PYGB: variants seen among roughly 807,000 people sequenced by gnomAD.
PYGB encodes the protein glycogen phosphorylase B.
PYGB carries 82 observed loss-of-function variants against 94.3 expected under a neutral mutation model. That is an observed-to-expected ratio of 0.87 (90% CI 0.73 to 1.04). The LOEUF (loss-of-function observed/expected upper bound fraction) is 1.04, where lower values mean the gene tolerates loss of function less well. Ranked by LOEUF, PYGB falls within the 50% of genes least tolerant of loss-of-function variation. The pLI is 0.00. For synonymous variants in PYGB, 488 were observed against 479.1 expected (o/e 1.02, Z -0.24); for missense variants, 1,132 against 1,158.2 (o/e 0.98, Z 0.33).
In PYGB at chr20:25,248,339, T is replaced by G. The variant is rs1322421498; in HGVS notation, c.161T>G (p.Phe54Cys). 1.9e-6 allele frequency: 3 copies of G among 1,603,146 alleles called. No individual in the cohort carries two copies. Among genetic ancestry groups the G allele is most frequent in the Non-Finnish European group, 2.6e-6 (3 of 1,175,608 alleles). ...GTGGCCACGCCCCGCGACTACTTCT[T>G]CGCGCTGGCGCACACGGTGCGCGAC... Reference protein sequence around the residue: ...RNVATPRDYFFALAHTVRDHL... With the variant: ...RNVATPRDYFCALAHTVRDHL... Residue 54 changes from phenylalanine (F) to cysteine (C), a missense_variant, in exon 1 of 20, where the codon TTC becomes TGC. Physicochemically the swap from Phe to Cys is radical, Grantham distance 205. Coordinates refer to ENST00000216962, the MANE Select transcript of PYGB (RefSeq NM_002862.4).
chr20:25,255,810 T>C (rs2092901260), intron 1 of PYGB, among the ~76,000 whole-genome samples: 1 of 151,960 alleles, frequency 6.6e-6, no homozygotes, highest in African/African-American at 2.4e-5. Flanking sequence ...CTCTACTCAC[T>C]GCAACCTCCG....
intron 14 of PYGB, among the ~76,000 whole-genome samples, chr20:25,285,969 G>T (rs1027581952): frequency 6.6e-6 from 1 of 152,198 alleles, no homozygotes; most frequent in African/African-American, 2.4e-5. Context: ...ATGAAGGTCG[G>T]TTTGGCTGAA....
chr20:25,248,605 C>T (rs1346077230), intron 1 of PYGB, among the ~76,000 whole-genome samples, 184 bp downstream of exon 1: 1 of 151,974 alleles, frequency 6.6e-6, no homozygotes, highest in African/African-American at 2.4e-5. Flanking sequence ...CCCGGGCGTC[C>T]CCTGCGCAGG....
chr20:25,280,427 A>G lies in PYGB; in HGVS notation c.1239+15A>G, dbSNP rs1203161668. 1 of 1,613,552 alleles carries G rather than the reference A, an allele frequency of 6.2e-7. No homozygotes were observed. Among genetic ancestry groups the G allele is most frequent in the East Asian group, 2.2e-5 (1 of 44,880 alleles). ...GGCACCTGGACGTGAGTGTGGGCCC[A>G]GCTGGCCGTGTAGGGTGGCGGCTAC... On this transcript the variant is annotated intron_variant, in intron 10 of 19. Coordinates refer to ENST00000216962, the MANE Select transcript of PYGB (RefSeq NM_002862.4).
intron 5 of PYGB, among the ~76,000 whole-genome samples, chr20:25,275,981 G>C (rs2088307762): frequency 6.6e-6 from 1 of 152,248 alleles, no homozygotes; most frequent in African/African-American, 2.4e-5. Context: ...GAGTGCGCCT[G>C]CCGGGGAGCT....
At position 25,296,603 on chromosome 20, in the gene PYGB, C is replaced by T; in HGVS notation, c.*81C>T. 1 of 1,512,052 alleles carries T rather than the reference C, an allele frequency of 6.6e-7. No homozygotes were observed. The highest frequency in any genetic ancestry group is 8.9e-7 in the Non-Finnish European group (1 of 1,123,650). 93.7% of individuals were successfully genotyped at this position (1,512,052 alleles called of 1,614,324 possible). On this transcript the variant is annotated 3_prime_UTR_variant, in exon 20 of 20. Transcript: ENST00000216962. ...CTCCTTTTTTCCCCAAACACTTTGC[C>T]AGCCACTGGTGGTCCCTGCTTTTCT...
At chr20:25,282,570 G>A (rs528055547) in intron 12 of PYGB, among the ~76,000 whole-genome samples, 2 of 152,362 alleles carry the variant, frequency 1.3e-5, no homozygotes, top group South Asian at 2.1e-4. Flanking sequence ...GGGTGGGACC[G>A]CCCACCTGGG....
At chr20:25,253,283 C>T (rs2092893384) in intron 1 of PYGB, among the ~76,000 whole-genome samples, 1 of 152,224 alleles carries the variant, frequency 6.6e-6, no homozygotes, top group Non-Finnish European at 1.5e-5. Context: ...TTTCTTAAAT[C>T]TGTCTCTCTC....
chr20:25,293,070 T>C (rs66638809), intron 17 of PYGB, among the ~76,000 whole-genome samples: 15,539 of 150,568 alleles, frequency 0.1, 869 homozygotes, highest in African/African-American at 0.12. Context: ...AAGTTGTAAC[T>C]GTTAAAATTG....
Position 25,290,641 on chromosome 20 carries a change from G to A in PYGB, c.1969+19G>A. The A allele has an allele frequency of 6.3e-7, 1 of 1,588,808 alleles. No homozygotes were observed. The highest frequency in any genetic ancestry group is 8.6e-7 in the Non-Finnish European group (1 of 1,158,624). ...GAGAAAGGTAACCCTGGAAGCCTGT[G>A]TTGGACAGAAAACTCACTCCTGCCG... On this transcript the variant is annotated intron_variant, in intron 16 of 19. Transcript: ENST00000216962.
At chr20:25,296,043 G>A (rs1330802948) in intron 19 of PYGB, among the ~76,000 whole-genome samples, 1 of 152,170 alleles carries the variant, frequency 6.6e-6, no homozygotes, top group East Asian at 1.9e-4. Flanking sequence ...AGACTGCCTG[G>A]GCATGTCCCC....
intron 3 of PYGB, among the ~76,000 whole-genome samples, chr20:25,270,917 T>C (rs73341190): frequency 0.012 from 1,794 of 152,354 alleles, 39 homozygotes; most frequent in African/African-American, 0.041. Flanking sequence ...CTGCGGTGTT[T>C]GCACAGGTGG....
Position 25,276,746 on chromosome 20 carries a change from A to G in PYGB, c.761A>G (p.Lys254Arg). 1 of 1,613,802 alleles carries G rather than the reference A, an allele frequency of 6.2e-7. No homozygotes were observed. The highest frequency in any genetic ancestry group is 8.5e-7 in the Non-Finnish European group (1 of 1,179,716). The change falls in exon 6 of 20, where the codon AAG becomes AGG. Residue 254 changes from lysine to arginine, a missense_variant. Physicochemically the swap from Lys to Arg is conservative, Grantham distance 26. Transcript: ENST00000216962. Reference sequence around the variant, plus strand: ...TCCGCCAAGGCTCCCAACGACTTCAAGCTGCAGGACTGTACGTTCCGTGGT... The same window carrying G: ...TCCGCCAAGGCTCCCAACGACTTCAGGCTGCAGGACTGTACGTTCCGTGGT... ...LWSAKAPNDFKLQDFNVGDYI... is the reference protein window; with the variant it reads ...LWSAKAPNDFRLQDFNVGDYI...
Position 25,280,369 on chromosome 20 carries a change from G to A in PYGB, c.1196G>A (p.Arg399Gln), listed in dbSNP as rs200201053. 4.3e-6 allele frequency: 7 copies of A among 1,614,170 alleles called. No individual in the cohort carries two copies. Among genetic ancestry groups the A allele is most frequent in the African/African-American group, 1.3e-5 (1 of 75,062 alleles). The change falls in exon 10 of 20, where the codon CGG becomes CAG. Residue 399 changes from arginine to glutamine, a missense_variant. Arg to Gln is a conservative substitution (Grantham distance 43, BLOSUM62 1). Transcript: ENST00000216962. ...PVSMFEKLLPRHLEIIYAINQ... is the reference protein window; with the variant it reads ...PVSMFEKLLPQHLEIIYAINQ... ...TCCATGTTTGAGAAGCTGCTGCCGC[G>A]GCACCTGGAGATAATCTATGCCATC... is the stretch of plus-strand genomic sequence containing the variant.
intron 1 of PYGB, among the ~76,000 whole-genome samples, chr20:25,249,756 A>T (rs1289305483): frequency 6.6e-6 from 1 of 152,198 alleles, no homozygotes; most frequent in African/African-American, 2.4e-5. Context: ...AGGTTATAAC[A>T]AGGGCTTGGG....
Position 25,278,461 on chromosome 20 carries a change from A to G in PYGB, c.998A>G (p.Lys333Arg). Reference sequence around the variant, plus strand: ...ACCTGTTTCGAGACGTTCCCAGACAAGGTGCATGGTGGCCCTGGGAGGGAT... The same window carrying G: ...ACCTGTTTCGAGACGTTCCCAGACAGGGTGCATGGTGGCCCTGGGAGGGAT... ...VRTCFETFPD[K>R]VAIQLNDTHP... Residue 333 changes from lysine to arginine, a missense_variant and splice_region_variant, in exon 8 of 20, where the codon AAG (lysine) becomes AGG (arginine). Coordinates refer to ENST00000216962, the MANE Select transcript of PYGB (RefSeq NM_002862.4). The G allele has an allele frequency of 1.2e-6, 2 of 1,614,080 alleles. No homozygotes were observed. Among genetic ancestry groups the G allele is most frequent in the Non-Finnish European group, 1.7e-6 (2 of 1,179,960 alleles).
At chr20:25,250,960 A>G (rs1198365078) in intron 1 of PYGB, 4 of 152,164 alleles carry the variant, frequency 2.6e-5, no homozygotes, top group East Asian at 3.8e-4. Context: ...TTTTTTCCGT[A>G]TTGGCAGAAA....
chr20:25,279,250 G>A (rs2088343810), intron 9 of PYGB, 101 bp downstream of exon 9: 3 of 1,271,404 alleles, frequency 2.4e-6, no homozygotes, highest in African/African-American at 1.5e-5. Context: ...CTGGCCTTGG[G>A]AGAGCTGTGT....
In PYGB at chr20:25,296,785, C is replaced by G. The variant is rs1301272490; in HGVS notation, c.*263C>G. The G allele has an allele frequency of 4.3e-6, 2 of 469,164 alleles. No individual in the cohort carries two copies. Among genetic ancestry groups the G allele is most frequent in the Non-Finnish European group, 7.6e-6 (2 of 264,260 alleles). 29.1% of individuals were successfully genotyped at this position (469,164 alleles called of 1,614,324 possible). A position where few individuals can be genotyped will look rare whatever the true frequency, so the allele number is the denominator to read the frequency against. On this transcript the variant is annotated 3_prime_UTR_variant, in exon 20 of 20. Transcript: ENST00000216962. ...GCCAGCCCTGCAGCTTCAGCACCTG[C>G]CCCACCCAGAGTGGGAGTCAGGTGG...
Sources: allele counts gnomAD v4.1 joint callset (sites outside exome capture counted in the v4.1 genomes callset), GRCh38; gene constraint gnomAD v4.1.1; transcripts MANE v1.5; gene names NCBI Gene and HGNC (gene_info 2026-07-23, HGNC 2026-07-21).